The following ZNF610 variants were observed in gnomAD, a reference collection of about 807,000 sequenced individuals.
The protein encoded by ZNF610 is zinc finger protein 610.
A neutral mutation model predicts 14.1 loss-of-function variants in ZNF610; 14 were observed. The ratio of observed to expected loss-of-function variants is 0.99; its 90% CI spans 0.65 to 1.55. The LOEUF is 1.55. Ranked by LOEUF, ZNF610 falls within the 40% of genes most tolerant of loss-of-function variation. The pLI is 0.00. For synonymous variants in ZNF610, 185 were observed against 187.6 expected (o/e 0.99, Z 0.11); for missense variants, 530 against 558.0 (o/e 0.95, Z 0.51).
chr19:52,342,075 C>G (rs1226057991), intron 1 of ZNF610, among the ~76,000 whole-genome samples: 1 of 151,922 alleles, frequency 6.6e-6, no homozygotes, highest in East Asian at 1.9e-4. Context: ...ACCCGAGTAG[C>G]CAGGACTACA....
upstream of ZNF610, among the ~76,000 whole-genome samples, chr19:52,335,095 G>T (rs985153946): frequency 1.8e-4 from 28 of 151,536 alleles, no homozygotes; most frequent in South Asian, 2.5e-3. Context: ...CACGAGGTCA[G>T]GAGATCGAGA....
chr19:52,362,527 A>G (rs1255975316), intron 5 of ZNF610, among the ~76,000 whole-genome samples: 1 of 152,240 alleles, frequency 6.6e-6, no homozygotes, highest in Non-Finnish European at 1.5e-5. Context: ...TGCCGGGATT[A>G]TAGATGTGAG....
At position 52,366,540 on chromosome 19, in the gene ZNF610, A is replaced by C; in HGVS notation, c.1162A>C (p.Met388Leu). ...AGCATTTCACAAGCGTCCGGGCCTT[A>C]TGGCCCATCTTCTAATCCATACTGG... ...GRAFHKRPGL[M>L]AHLLIHTGEK... The change falls in exon 6 of 6, where the codon ATG becomes CTG. Residue 388 changes from methionine (M) to leucine (L), a missense_variant. Physicochemically the swap from Met to Leu is conservative, Grantham distance 15 (BLOSUM62 2). Transcript: ENST00000403906. 1 of 1,614,242 alleles carries C rather than the reference A, an allele frequency of 6.2e-7. No individual in the cohort carries two copies. Among genetic ancestry groups the C allele is most frequent in the Non-Finnish European group, 8.5e-7 (1 of 1,180,038 alleles).
intron 3 of ZNF610, among the ~76,000 whole-genome samples, chr19:52,351,250 A>G (rs1461436497): frequency 6.6e-6 from 1 of 152,084 alleles, no homozygotes; most frequent in Non-Finnish European, 1.5e-5. Context: ...TGGGCTCAGG[A>G]GTTCGAGACC....
chr19:52,364,295 T>A (rs2560973), intron 5 of ZNF610, among the ~76,000 whole-genome samples: 72,355 of 152,046 alleles, frequency 0.48, 17,729 homozygotes, highest in South Asian at 0.62. Flanking sequence ...TTTTCTTTTT[T>A]AATTTTTTTC....
intron 3 of ZNF610, among the ~76,000 whole-genome samples, chr19:52,352,834 G>GTT (rs11418927): frequency 5.9e-5 from 9 of 151,588 alleles, no homozygotes; most frequent in Non-Finnish European, 7.4e-5. Flanking sequence ...TTAATATCAT[G>GTT]TTTTTTTTGT....
In ZNF610 at chr19:52,366,461, G is replaced by C. The variant is rs1247857868; in HGVS notation, c.1083G>C (p.Arg361=). ...TTAGTCTGCTTTCATACCTTGCACG[G>C]CATCAAATAATTCATAGTACAGAGA... ...KVFSLLSYLA[R]HQIIHSTEKP... The change falls in exon 6 of 6, where the codon CGG becomes CGC. Residue 361 remains arginine, a synonymous_variant. Coordinates refer to ENST00000403906, the MANE Select transcript of ZNF610 (RefSeq NM_001161425.2). The C allele has an allele frequency of 8.7e-6, 14 of 1,613,478 alleles. No homozygotes were observed. Among genetic ancestry groups the C allele is most frequent in the African/African-American group, 1.3e-5 (1 of 74,708 alleles).
chr19:52,343,575 AT>A (rs1415528407), intron 1 of ZNF610, among the ~76,000 whole-genome samples: 1 of 147,100 alleles, frequency 6.8e-6, no homozygotes, highest in Non-Finnish European at 1.5e-5. Flanking sequence ...AAAAAAAAAA[AT>A]GTATTTGCTC....
intron 1 of ZNF610, among the ~76,000 whole-genome samples, chr19:52,344,448 C>T (rs1414367739): frequency 6.6e-6 from 1 of 152,142 alleles, no homozygotes; most frequent in Non-Finnish European, 1.5e-5. Context: ...AGCAAGGACC[C>T]AAGGGGAGAG....
At chr19:52,338,924 C>T (rs1035715100) in intron 1 of ZNF610, among the ~76,000 whole-genome samples, 7 of 151,902 alleles carry the variant, frequency 4.6e-5, no homozygotes, top group African/African-American at 9.7e-5. Context: ...GGAGGACCCG[C>T]GCCGGCCCGG....
At chr19:52,353,636 A>C (rs1985366629) in intron 3 of ZNF610, 46 bp from the exon 4 acceptor site, 8 of 1,603,086 alleles carry the variant, frequency 5.0e-6, no homozygotes, top group Non-Finnish European at 6.8e-6. Context: ...AATTGAGTAC[A>C]ATTTCTACAT....
intron 1 of ZNF610, among the ~76,000 whole-genome samples, chr19:52,336,792 A>G (rs1984405444): frequency 3.9e-5 from 6 of 152,038 alleles, no homozygotes. Context: ...TCCCCTTCGC[A>G]GCCATCGCTA....
chr19:52,361,589 G>A lies in ZNF610; in HGVS notation c.320-4109G>A, dbSNP rs74349645. The stretch of plus-strand genomic sequence containing the variant: ...TTGTTTTGTTGTTTATCTAGCTAAG[G>A]GTTTGTCAATCTTTTTAAAATTTAT... On this transcript the variant is annotated intron_variant, in intron 5 of 5. Coordinates refer to ENST00000403906, the MANE Select transcript of ZNF610 (RefSeq NM_001161425.2). 2.7e-5 allele frequency among the ~76,000 whole-genome samples: 4 copies of A among 150,562 alleles called. No individual in the cohort carries two copies. In the East Asian group the frequency reaches 5.9e-4, roughly 22 times the overall value.
chr19:52,353,694 T>G lies in ZNF610; in HGVS notation c.76T>G (p.Phe26Val), dbSNP rs2122232926. Residue 26 changes from phenylalanine (F) to valine (V), a missense_variant, in exon 4 of 6, where the codon TTC becomes GTC. Coordinates refer to ENST00000403906, the MANE Select transcript of ZNF610 (RefSeq NM_001161425.2). ...GTCCTCATTTTAGGGACGCTTGACA[T>G]TCATGGACGTGGCCATCGAATTCTC... ...GMALPQGRLT[F>V]MDVAIEFSQE... 6.2e-7 allele frequency: 1 copy of G among 1,613,822 alleles called. No homozygotes were observed. Among genetic ancestry groups the G allele is most frequent in the Non-Finnish European group, 8.5e-7 (1 of 1,179,852 alleles).
At position 52,366,059 on chromosome 19, in the gene ZNF610, T is replaced by C. The variant is rs162120; in HGVS notation, c.681T>C (p.Thr227=). ...TTACTAACCATCAAGTAATCCATAC[T>C]GCAGAGAAACCTTACAAATGTACTG... The part of the protein sequence containing the change: ...ASLTNHQVIH[T]AEKPYKCTEC... The change falls in exon 6 of 6, where the codon ACT becomes ACC. Residue 227 remains threonine, a synonymous_variant. Transcript: ENST00000403906. 0.86 allele frequency: 1,382,610 copies of C among 1,613,950 alleles called. 596,579 individuals carry two copies. The highest frequency in any genetic ancestry group is 0.9 in the South Asian group (81,564 of 91,050).
Position 52,349,239 on chromosome 19 carries a change from A to G in ZNF610, c.63+4A>G, listed in dbSNP as rs1303503764. On this transcript the variant is annotated splice_donor_region_variant and intron_variant, in intron 3 of 5. Transcript: ENST00000403906. ...GTCAGGGATGGCTCTTCCTCAGGTAAAGTGATATTCTCGGTGGTTGGTTCT... is the reference window on the plus strand; with the variant it reads ...GTCAGGGATGGCTCTTCCTCAGGTAGAGTGATATTCTCGGTGGTTGGTTCT... 6.2e-7 allele frequency: 1 copy of G among 1,612,916 alleles called. No individual in the cohort carries two copies. The highest frequency in any genetic ancestry group is 1.1e-5 in the South Asian group (1 of 91,068).
intron 1 of ZNF610, chr19:52,345,273 A>G (rs1984882941): frequency 6.6e-6 from 1 of 152,170 alleles, no homozygotes; most frequent in Non-Finnish European, 1.5e-5. Context: ...TTGGTCAACA[A>G]TCAGATCTAT....
At chr19:52,335,501 ACT>A (rs577158434), upstream of ZNF610, among the ~76,000 whole-genome samples, 6 of 152,124 alleles carry the variant, frequency 3.9e-5, no homozygotes, top group East Asian at 7.7e-4. Context: ...TCCCTCGGAA[ACT>A]CTCTAGAGAT....
intron 5 of ZNF610, among the ~76,000 whole-genome samples, chr19:52,364,643 A>G (rs1207662564): frequency 6.6e-6 from 1 of 152,118 alleles, no homozygotes; most frequent in Admixed American, 6.5e-5. Context: ...GCTCACTGCA[A>G]CCTCCATGCC....
Sources: gnomAD v4.1 joint callset for allele counts (sites outside exome capture counted in the v4.1 genomes callset) on GRCh38, gnomAD v4.1.1 for gene constraint, MANE v1.5 for transcripts, NCBI Gene and HGNC (gene_info 2026-07-23, HGNC 2026-07-21) for gene names.